The following DGKI variants were observed in gnomAD, a reference collection of about 807,000 sequenced individuals.
The protein encoded by DGKI is DAG kinase iota.
Under a neutral mutation model 147.5 loss-of-function variants are expected in DGKI, and 55 were observed. The ratio of observed to expected loss-of-function variants is 0.37; its 90% CI spans 0.30 to 0.47. DGKI has a LOEUF of 0.47. Among genes scored for constraint, DGKI ranks in the 20% least tolerant of loss-of-function variants. DGKI has a pLI of 1.00. For missense variants in DGKI, 1,007 were observed against 1,323.8 expected, an observed-to-expected ratio of 0.76 and a Z score of 3.71; for synonymous variants, 469 against 477.1, an observed-to-expected ratio of 0.98 and a Z score of 0.22.
At chr7:137,465,725 G>A (rs1412756849) in intron 26 of DGKI, among the ~76,000 whole-genome samples, 183 bp downstream of exon 26, 4 of 152,172 alleles carry the variant, frequency 2.6e-5, no homozygotes, top group Non-Finnish European at 5.9e-5. Flanking sequence ...TGTAAATCTG[G>A]TTTTGTGTTT....
intron 1 of DGKI, among the ~76,000 whole-genome samples, chr7:137,788,797 A>C (rs1455722954): frequency 6.6e-6 from 1 of 152,118 alleles, no homozygotes; most frequent in African/African-American, 2.4e-5. Flanking sequence ...TGGGGAGTTA[A>C]GTGGATTAAG....
chr7:137,568,939 C>G (rs1319646990), intron 19 of DGKI, among the ~76,000 whole-genome samples: 1 of 149,926 alleles, frequency 6.7e-6, no homozygotes, highest in East Asian at 1.9e-4. Flanking sequence ...AACACCCATA[C>G]CAGAAAAGAC....
At chr7:137,440,816 C>G (rs765835121) in intron 28 of DGKI, among the ~76,000 whole-genome samples, 1 of 152,138 alleles carries the variant, frequency 6.6e-6, no homozygotes, top group Non-Finnish European at 1.5e-5. Flanking sequence ...AATATAGAAA[C>G]AGTTTATGTG....
rs893459250 is a variant in DGKI, at chr7:137,616,754, C to T, written c.993+3070G>A. Among the ~76,000 whole-genome samples, 3 of 152,064 alleles carry T rather than the reference C, an allele frequency of 2.0e-5. 1 individual carries two copies. Among genetic ancestry groups the T allele is most frequent in the East Asian group, 3.8e-4 (2 of 5,202 alleles). On this transcript the variant is annotated intron_variant, in intron 8 of 32. Transcript: ENST00000614521. ...TTCGTAATGATACTCTCCAAAAAAA[C>T]AACCACTACTACATCCTATAAGGGT...
At chr7:137,468,570 C>T (rs1159244023) in intron 24 of DGKI, among the ~76,000 whole-genome samples, 1 of 152,188 alleles carries the variant, frequency 6.6e-6, no homozygotes, top group East Asian at 1.9e-4. Flanking sequence ...TGGGTTAGAT[C>T]TCATACAGAT....
At chr7:137,789,397 G>A (rs547454468) in intron 1 of DGKI, among the ~76,000 whole-genome samples, 3 of 152,192 alleles carry the variant, frequency 2.0e-5, no homozygotes, top group Admixed American at 6.5e-5. Flanking sequence ...TCCGTAATGG[G>A]ATTGTTGCAG....
intron 1 of DGKI, among the ~76,000 whole-genome samples, chr7:137,761,642 T>G (rs554303213): frequency 6.6e-6 from 1 of 152,334 alleles, no homozygotes; most frequent in African/African-American, 2.4e-5. Flanking sequence ...GAAAGCCTCA[T>G]TAGCTTTCTT....
At chr7:137,523,107 G>T (rs780157078) in intron 20 of DGKI, among the ~76,000 whole-genome samples, 9 of 152,018 alleles carry the variant, frequency 5.9e-5, no homozygotes, top group Non-Finnish European at 1.2e-4. Flanking sequence ...GGGAGAGAAT[G>T]AGGGAGGGAA....
chr7:137,395,584 A>T lies in DGKI; in HGVS notation c.3057+14T>A. Reference sequence around the variant, plus strand: ...GCCCAGCGGGAGGATGTTTGCACTCACTCATCGAGTTACCTTGGAGTCCGT... The same window carrying T: ...GCCCAGCGGGAGGATGTTTGCACTCTCTCATCGAGTTACCTTGGAGTCCGT... On this transcript the variant is annotated intron_variant, in intron 32 of 32. Coordinates refer to ENST00000614521, the MANE Select transcript of DGKI (RefSeq NM_001321708.2). The T allele has an allele frequency of 1.9e-6, 3 of 1,611,652 alleles. No individual in the cohort carries two copies. Among genetic ancestry groups the T allele is most frequent in the Non-Finnish European group, 2.5e-6 (3 of 1,177,900 alleles).
chr7:137,845,140 C>T (rs543751479), intron 1 of DGKI, among the ~76,000 whole-genome samples: 12 of 152,308 alleles, frequency 7.9e-5, no homozygotes, highest in African/African-American at 2.4e-4. Context: ...CAGCGCACAG[C>T]GAACAAAATG....
intron 30 of DGKI, among the ~76,000 whole-genome samples, chr7:137,400,053 A>G (rs1354633264): frequency 6.6e-6 from 1 of 152,228 alleles, no homozygotes; most frequent in Non-Finnish European, 1.5e-5. Flanking sequence ...GTCACACTAC[A>G]TCAAGATATG....
At chr7:137,743,473 G>A (rs1468893325) in intron 1 of DGKI, among the ~76,000 whole-genome samples, 1 of 152,166 alleles carries the variant, frequency 6.6e-6, no homozygotes, top group African/African-American at 2.4e-5. Context: ...TCAACACTAA[G>A]AGGAACCTTC....
At chr7:137,723,875 A>G (rs1038786195) in intron 1 of DGKI, among the ~76,000 whole-genome samples, 2 of 151,744 alleles carry the variant, frequency 1.3e-5, no homozygotes, top group African/African-American at 4.8e-5. Context: ...ATATCCAGCT[A>G]ATTTTTTGTG....
chr7:137,440,171 C>A (rs1260344527), intron 28 of DGKI, among the ~76,000 whole-genome samples: 4 of 152,216 alleles, frequency 2.6e-5, no homozygotes, highest in Non-Finnish European at 5.9e-5. Context: ...AGAGGAAATG[C>A]AGAGGACAGT....
At chr7:137,697,383 C>T (rs568956863) in intron 1 of DGKI, among the ~76,000 whole-genome samples, 112 of 152,286 alleles carry the variant, frequency 7.4e-4, no homozygotes, top group African/African-American at 2.6e-3. Context: ...TAGTAGTGAG[C>T]ATCTGACCAA....
At chr7:137,565,234 C>T (rs1473976643) in intron 19 of DGKI, among the ~76,000 whole-genome samples, 20 of 151,736 alleles carry the variant, frequency 1.3e-4, no homozygotes, top group Non-Finnish European at 1.8e-4. Flanking sequence ...TATATTTATA[C>T]AATAAAAAAG....
At chr7:137,770,043 A>G (rs1796134901) in intron 1 of DGKI, among the ~76,000 whole-genome samples, 1 of 152,242 alleles carries the variant, frequency 6.6e-6, no homozygotes, top group African/African-American at 2.4e-5. Context: ...CCGCAGCACT[A>G]TTTACAATAG....
intron 1 of DGKI, among the ~76,000 whole-genome samples, chr7:137,801,358 G>A (rs925809226): frequency 6.6e-6 from 1 of 152,282 alleles, no homozygotes; most frequent in African/African-American, 2.4e-5. Flanking sequence ...GTTTCAAAAG[G>A]AAGGAGCAAG....
rs1811124493 is a variant in DGKI at position 137,384,216 on chromosome 7, G to A, written c.*7004C>T. 6.6e-6 allele frequency: 1 copy of A among 151,992 alleles called. No individual in the cohort carries two copies. The highest frequency in any genetic ancestry group is 2.4e-5 in the African/African-American group (1 of 41,428). 9.4% of individuals were successfully genotyped at this position (151,992 alleles called of 1,614,324 possible). On this transcript the variant is annotated 3_prime_UTR_variant, in exon 33 of 33. Coordinates refer to ENST00000614521, the MANE Select transcript of DGKI (RefSeq NM_001321708.2). ...TGAGAATCACAAATAAGTTAAAGAAGCCATTAACGCTCACTGTTAATTTCT... is the reference window on the plus strand; with the variant it reads ...TGAGAATCACAAATAAGTTAAAGAAACCATTAACGCTCACTGTTAATTTCT...
Sources: gnomAD v4.1 joint callset for allele counts (sites outside exome capture counted in the v4.1 genomes callset) on GRCh38, gnomAD v4.1.1 for gene constraint, MANE v1.5 for transcripts, NCBI Gene and HGNC (gene_info 2026-07-23, HGNC 2026-07-21) for gene names.